KCNIP4: variants seen among roughly 807,000 people sequenced by gnomAD.
KCNIP4 encodes the protein Kv channel-interacting protein 4.
A neutral mutation model predicts 34.0 loss-of-function variants in KCNIP4; 12 were observed. That is an observed-to-expected ratio of 0.35 (90% CI 0.23 to 0.57). The LOEUF (loss-of-function observed/expected upper bound fraction) is 0.57. Ranked by LOEUF, KCNIP4 falls within the 20% of genes least tolerant of loss-of-function variation. The pLI is 0.83. For synonymous variants in KCNIP4, 124 were observed against 102.2 expected (o/e 1.21, Z -1.29); for missense variants, 238 against 311.7 (o/e 0.76, Z 1.78).
At chr4:20,974,313 G>A (rs1288043684) in intron 1 of KCNIP4, among the ~76,000 whole-genome samples, 1 of 152,094 alleles carries the variant, frequency 6.6e-6, no homozygotes, top group African/African-American at 2.4e-5. Flanking sequence ...GTAATTTGAG[G>A]GACAGTGCAT....
At chr4:21,326,662 C>G (rs1448769255) in intron 1 of KCNIP4, among the ~76,000 whole-genome samples, 1 of 151,340 alleles carries the variant, frequency 6.6e-6, no homozygotes, top group Admixed American at 6.6e-5. Flanking sequence ...TAAATAGAGA[C>G]TTACCCCTGC....
chr4:21,900,222 G>A (rs925863975), intron 1 of KCNIP4, among the ~76,000 whole-genome samples: 5 of 152,086 alleles, frequency 3.3e-5, no homozygotes, highest in African/African-American at 1.2e-4. Flanking sequence ...TAACCACTAA[G>A]AGAATTTGCA....
At chr4:20,980,009 G>A (rs756578982) in intron 1 of KCNIP4, among the ~76,000 whole-genome samples, 4 of 152,072 alleles carry the variant, frequency 2.6e-5, no homozygotes, top group Non-Finnish European at 5.9e-5. Context: ...CTTCTTCCTG[G>A]ATTTTCCAAT....
intron 1 of KCNIP4, among the ~76,000 whole-genome samples, chr4:21,626,251 C>T (rs1174978813): frequency 6.6e-6 from 1 of 151,932 alleles, no homozygotes; most frequent in Non-Finnish European, 1.5e-5. Flanking sequence ...TAGTTTGAAG[C>T]CCTAATCCTC....
chr4:20,750,453 ACT>A (rs1293752770), intron 4 of KCNIP4, among the ~76,000 whole-genome samples: 1 of 151,906 alleles, frequency 6.6e-6, no homozygotes, highest in East Asian at 1.9e-4. Context: ...GGGAGCCCCT[ACT>A]CTGTCTGGGT....
At chr4:21,275,880 G>C (rs1357062405) in intron 1 of KCNIP4, among the ~76,000 whole-genome samples, 1 of 152,070 alleles carries the variant, frequency 6.6e-6, no homozygotes, top group Non-Finnish European at 1.5e-5. Flanking sequence ...TGGCTTCCCT[G>C]GACCACAATG....
intron 1 of KCNIP4, among the ~76,000 whole-genome samples, chr4:21,861,449 C>T (rs908491958): frequency 7.2e-5 from 11 of 152,064 alleles, no homozygotes; most frequent in Middle Eastern, 3.2e-3. Context: ...GTCAGGAGTT[C>T]GAAACCTGCC....
rs150383673 is a variant in KCNIP4, at chr4:21,779,173, T to C, written c.61+169398A>G. Among the ~76,000 whole-genome samples the C allele has an allele frequency of 9.0e-4, 137 of 152,316 alleles. 1 individual carries two copies. The Middle Eastern group carries it at 0.014, about 15-fold the overall frequency. On this transcript the variant is annotated intron_variant, in intron 1 of 8. Transcript: ENST00000382152. The stretch of plus-strand genomic sequence containing the variant: ...AAAGACATTTAGAAATATGTAAACA[T>C]TTTGCTTTCATCTTTATATTTATGG...
chr4:21,394,288 T>A (rs1722794428), intron 1 of KCNIP4, among the ~76,000 whole-genome samples: 1 of 152,144 alleles, frequency 6.6e-6, no homozygotes, highest in East Asian at 1.9e-4. Context: ...GTATCTACTA[T>A]CCTGGCAATC....
intron 1 of KCNIP4, among the ~76,000 whole-genome samples, chr4:21,681,305 C>A (rs953118564): frequency 3.3e-5 from 5 of 151,588 alleles, no homozygotes; most frequent in Admixed American, 2.6e-4. Flanking sequence ...CAAGGCCTCA[C>A]TATGTTGATC....
chr4:21,143,709 C>CT (rs57796174), intron 1 of KCNIP4, among the ~76,000 whole-genome samples: 11,001 of 147,108 alleles, frequency 0.075, 523 homozygotes, highest in South Asian at 0.16. Flanking sequence ...ATCACAGTTT[C>CT]TTTTTTTTTT....
At position 21,381,767 on chromosome 4, in the gene KCNIP4, T is replaced by C. The variant is rs2109478360; in HGVS notation, c.62-499058A>G. ...TTGGAATTACCAAGGAATAAATTAA[T>C]GTTTCTACGACTCCCAGCTTTATTT... is the stretch of plus-strand genomic sequence containing the variant. On this transcript the variant is annotated intron_variant, in intron 1 of 8. Transcript: ENST00000382152. Among the ~76,000 whole-genome samples, 3 of 152,310 alleles carry C rather than the reference T, an allele frequency of 2.0e-5. 1 individual carries two copies. In the South Asian group the frequency reaches 6.2e-4, roughly 32 times the overall value.
At chr4:21,815,167 T>C (rs1358091990) in intron 1 of KCNIP4, among the ~76,000 whole-genome samples, 3 of 152,154 alleles carry the variant, frequency 2.0e-5, no homozygotes, top group African/African-American at 7.2e-5. Context: ...ATGAATCTCA[T>C]CTCAGCCACC....
intron 1 of KCNIP4, among the ~76,000 whole-genome samples, chr4:21,152,688 G>A (rs1298613531): frequency 6.9e-6 from 1 of 143,996 alleles, no homozygotes; most frequent in South Asian, 2.2e-4. Context: ...GTCCTGGTCC[G>A]TGGCCTGTTA....
chr4:21,882,914 T>C (rs1726541298), intron 1 of KCNIP4, among the ~76,000 whole-genome samples: 1 of 152,144 alleles, frequency 6.6e-6, no homozygotes, highest in Non-Finnish European at 1.5e-5. Flanking sequence ...AAAACAAATA[T>C]TAAAGAGCTC....
At chr4:20,930,175 G>GAA (rs1431876728) in intron 1 of KCNIP4, among the ~76,000 whole-genome samples, 2 of 151,892 alleles carry the variant, frequency 1.3e-5, no homozygotes, top group Non-Finnish European at 2.9e-5. Flanking sequence ...GCATGAAAAC[G>GAA]AAAATGTGGA....
rs548430579 is a variant in KCNIP4 at position 21,693,315 on chromosome 4, C to T, written c.61+255256G>A. ...GTGGCTCATGCCTATAATCCCAGCACTTTGGGAGGCTGAGGTGGGTGGATC... is the reference window on the plus strand; with the variant it reads ...GTGGCTCATGCCTATAATCCCAGCATTTTGGGAGGCTGAGGTGGGTGGATC... On this transcript the variant is annotated intron_variant, in intron 1 of 8. Coordinates refer to ENST00000382152, the MANE Select transcript of KCNIP4 (RefSeq NM_025221.6). Among the ~76,000 whole-genome samples, 199 of 152,286 alleles carry T rather than the reference C, an allele frequency of 1.3e-3. 7 individuals are homozygous for T. In the South Asian group the frequency reaches 0.036, roughly 28 times the overall value.
chr4:21,434,081 C>T (rs1191314514), intron 1 of KCNIP4, among the ~76,000 whole-genome samples: 1 of 152,154 alleles, frequency 6.6e-6, no homozygotes, highest in African/African-American at 2.4e-5. Context: ...CCCAAGATAT[C>T]CCAGACAGCT....
chr4:21,467,113 CACACAAAA>C (rs1422223953), intron 1 of KCNIP4, among the ~76,000 whole-genome samples: 1 of 130,924 alleles, frequency 7.6e-6, no homozygotes, highest in African/African-American at 3.0e-5. Flanking sequence ...CACACACACA[CACACAAAA>C]CAGAACATAA....
Sources: gnomAD v4.1 joint callset for allele counts (sites outside exome capture counted in the v4.1 genomes callset) on GRCh38, gnomAD v4.1.1 for gene constraint, MANE v1.5 for transcripts, NCBI Gene and HGNC (gene_info 2026-07-23, HGNC 2026-07-21) for gene names.